The following RRAGC variants were observed in gnomAD, a reference collection of about 807,000 sequenced individuals.
RRAGC encodes the protein Ras related GTP binding C.
In RRAGC, 8 loss-of-function variants were observed where a neutral mutation model predicts 37.1. That is an observed-to-expected ratio of 0.22 (90% confidence interval 0.13 to 0.39). The LOEUF is 0.39. Ranked by LOEUF, RRAGC falls within the 10% of genes least tolerant of loss-of-function variation. The pLI, the probability that RRAGC is intolerant of heterozygous loss-of-function variation, is 1.00. For missense variants in RRAGC, 342 were observed against 497.6 expected (o/e 0.69, Z 2.98); for synonymous variants, 190 against 181.1 (o/e 1.05, Z -0.39).
intron 3 of RRAGC, among the ~76,000 whole-genome samples, chr1:38,854,806 G>T (rs2124231843): frequency 6.6e-6 from 1 of 152,308 alleles, no homozygotes; most frequent in East Asian, 1.9e-4. Context: ...AGGGATAGCA[G>T]TTAGCTTGAG....
At chr1:38,842,273 A>G (rs769667117) in intron 6 of RRAGC, among the ~76,000 whole-genome samples, 1 of 152,222 alleles carries the variant, frequency 6.6e-6, no homozygotes, top group Non-Finnish European at 1.5e-5. Context: ...CTCTATCTCA[A>G]AAAAATAAAT....
intron 3 of RRAGC, chr1:38,852,733 A>G (rs1304635172): frequency 4.0e-6 from 1 of 249,040 alleles, no homozygotes; most frequent in African/African-American, 2.2e-5. Context: ...TTTCAGGTAC[A>G]TAAACTCCAA....
At chr1:38,851,825 C>G (rs1180504295) in intron 4 of RRAGC, 68 bp from the exon 5 acceptor site, 3 of 1,378,040 alleles carry the variant, frequency 2.2e-6, no homozygotes, top group Non-Finnish European at 3.0e-6. Context: ...TATCGAAGAT[C>G]TAGAATTACT....
chr1:38,857,443 A>G (rs2124235282), intron 1 of RRAGC, among the ~76,000 whole-genome samples: 1 of 152,362 alleles, frequency 6.6e-6, no homozygotes, highest in Middle Eastern at 3.4e-3. Context: ...CTAAAGCTTA[A>G]GAAGTCTGGT....
At chr1:38,843,118 C>T (rs1641984053) in intron 6 of RRAGC, among the ~76,000 whole-genome samples, 1 of 152,052 alleles carries the variant, frequency 6.6e-6, no homozygotes, top group African/African-American at 2.4e-5. Context: ...CTGCTTGAGG[C>T]AACGAGTTCA....
chr1:38,854,203 G>A (rs1642139578), intron 3 of RRAGC, among the ~76,000 whole-genome samples: 1 of 151,774 alleles, frequency 6.6e-6, no homozygotes, highest in African/African-American at 2.4e-5. Flanking sequence ...AAGTAGCTGG[G>A]ACTACAGGCA....
intron 5 of RRAGC, 134 bp from the exon 6 acceptor site, chr1:38,846,221 G>A: frequency 1.4e-6 from 1 of 717,534 alleles, no homozygotes. Flanking sequence ...TATTGGGAGA[G>A]AGTGTTGTTA....
chr1:38,856,039 A>G, intron 2 of RRAGC, 132 bp from the exon 3 acceptor site: 1 of 615,186 alleles, frequency 1.6e-6, no homozygotes, highest in Non-Finnish European at 2.8e-6. Flanking sequence ...TCAAACATTC[A>G]AATATACTAT....
Position 38,840,105 on chromosome 1 carries a change from A to G in RRAGC, c.1049-401T>C, listed in dbSNP as rs570793506. On this transcript the variant is annotated intron_variant, in intron 6 of 6. Transcript: ENST00000373001. ...AAAGCTTGCAGTGAGCCAAGATTGC[A>G]CCATTGCATTCCAGCCTGGGTGACA... 1.3e-3 allele frequency among the ~76,000 whole-genome samples: 188 copies of G among 149,376 alleles called. 1 individual carries two copies. The highest frequency in any genetic ancestry group is 2.1e-3 in the Non-Finnish European group (140 of 67,620).
At chr1:38,851,490 G>T in intron 5 of RRAGC, 125 bp downstream of exon 5, 2 of 803,668 alleles carry the variant, frequency 2.5e-6, no homozygotes, top group Non-Finnish European at 1.8e-6. Flanking sequence ...AAAGCACTAT[G>T]GTCAGAACAA....
At position 38,852,407 on chromosome 1, in the gene RRAGC, C is replaced by T. The variant is rs771904121; in HGVS notation, c.723G>A (p.Pro241=). The part of the protein sequence containing the change: ...KVVQKLIPQL[P]TLENLLNIFI... ...AGATATTTAATAGGTTTTCCAAGGT[C>T]GGCAGTTGTGGAATGAGTTTCTGCA... The change falls in exon 4 of 7, where the codon CCG becomes CCA. Residue 241 remains proline, a synonymous_variant. Coordinates refer to ENST00000373001, the MANE Select transcript of RRAGC (RefSeq NM_022157.4). 4.2e-5 allele frequency: 67 copies of T among 1,604,568 alleles called. No homozygotes were observed. The Admixed American group carries it at 7.0e-4, about 17-fold the overall frequency.
At chr1:38,840,247 G>T (rs1357089745) in intron 6 of RRAGC, among the ~76,000 whole-genome samples, 1 of 151,398 alleles carries the variant, frequency 6.6e-6, no homozygotes, top group African/African-American at 2.4e-5. Context: ...CCATCACCTT[G>T]GCCAAATTAA....
At chr1:38,840,797 G>A (rs893754927) in intron 6 of RRAGC, among the ~76,000 whole-genome samples, 2 of 152,200 alleles carry the variant, frequency 1.3e-5, no homozygotes, top group Non-Finnish European at 2.9e-5. Context: ...GTCTGAATAA[G>A]TAGGTTACAG....
intron 5 of RRAGC, chr1:38,847,597 T>C (rs1446134796): frequency 5.3e-5 from 8 of 152,184 alleles, no homozygotes; most frequent in Admixed American, 5.2e-4. Context: ...ATTTTTACTA[T>C]TCTGAACCTT....
At chr1:38,842,952 T>A (rs1641981918) in intron 6 of RRAGC, among the ~76,000 whole-genome samples, 1 of 152,184 alleles carries the variant, frequency 6.6e-6, no homozygotes, top group African/African-American at 2.4e-5. Flanking sequence ...CTCTATTGTT[T>A]AAGGATAGAC....
intron 5 of RRAGC, among the ~76,000 whole-genome samples, chr1:38,848,761 T>C (rs1418077350): frequency 6.6e-6 from 1 of 151,962 alleles, no homozygotes; most frequent in African/African-American, 2.4e-5. Flanking sequence ...AAGACGGGAA[T>C]ATTGCTTAAG....
intron 3 of RRAGC, among the ~76,000 whole-genome samples, chr1:38,853,235 A>C (rs894505126): frequency 3.3e-5 from 5 of 152,274 alleles, no homozygotes; most frequent in Non-Finnish European, 5.9e-5. Flanking sequence ...AGGAATCTAC[A>C]GGAGTCTGGA....
Position 38,838,616 on chromosome 1 carries a change from T to G in RRAGC, c.*937A>C, listed in dbSNP as rs1359667921. The G allele has an allele frequency of 1.3e-5, 2 of 152,392 alleles. No homozygotes were observed. Among genetic ancestry groups the G allele is most frequent in the South Asian group, 2.1e-4 (1 of 4,832 alleles). The allele number at this position is 152,392 out of a possible 1,614,324, so 9.4% of individuals were successfully genotyped here. A position where few individuals can be genotyped will look rare whatever the true frequency, so the allele number is the denominator to read the frequency against. On this transcript the variant is annotated 3_prime_UTR_variant, in exon 7 of 7. Coordinates refer to ENST00000373001, the MANE Select transcript of RRAGC (RefSeq NM_022157.4). ...AAACAATGCCTGTTGCAGCACCACG[T>G]GCTCACTCCAACTCCCAGTGGACAG...
intron 3 of RRAGC, among the ~76,000 whole-genome samples, chr1:38,853,269 G>A (rs1174502356): frequency 6.6e-6 from 1 of 152,244 alleles, no homozygotes; most frequent in Non-Finnish European, 1.5e-5. Flanking sequence ...TTACGGTGGA[G>A]AAGTAACACA....
Sources: gnomAD v4.1 joint callset for allele counts (sites outside exome capture counted in the v4.1 genomes callset) on GRCh38, gnomAD v4.1.1 for gene constraint, MANE v1.5 for transcripts, NCBI Gene and HGNC (gene_info 2026-07-23, HGNC 2026-07-21) for gene names.